Variants in NCOA1 observed in about 807,000 individuals in gnomAD.
NCOA1 encodes the protein Hin-2 protein.
A neutral mutation model predicts 150.9 loss-of-function variants in NCOA1; 35 were observed. That is an observed-to-expected ratio of 0.23 (90% confidence interval 0.18 to 0.31). The LOEUF (loss-of-function observed/expected upper bound fraction) is 0.31, where lower values mean the gene tolerates loss of function less well. NCOA1 is among the 10% of genes least tolerant of loss of function. The pLI is 1.00. For synonymous variants in NCOA1, 590 were observed against 630.0 expected, an observed-to-expected ratio of 0.94 and a Z score of 0.95; for missense variants, 1,491 against 1,749.3, an observed-to-expected ratio of 0.85 and a Z score of 2.63.
intron 11 of NCOA1, among the ~76,000 whole-genome samples, chr2:24,701,569 A>C (rs17792389): frequency 0.15 from 22,804 of 151,644 alleles, 2,073 homozygotes; most frequent in Non-Finnish European, 0.21. Flanking sequence ...TCTCACTTTT[A>C]CATATCTTTC....
At chr2:24,506,642 A>G (rs1663708406) in intron 1 of NCOA1, among the ~76,000 whole-genome samples, 1 of 152,138 alleles carries the variant, frequency 6.6e-6, no homozygotes, top group African/African-American at 2.4e-5. Context: ...ATAAGAGAAT[A>G]CTCACCTGAT....
At chr2:24,638,673 A>T (rs907135995) in intron 3 of NCOA1, among the ~76,000 whole-genome samples, 1 of 152,194 alleles carries the variant, frequency 6.6e-6, no homozygotes. Flanking sequence ...TCTTTTTGAT[A>T]ATAGCTATCA....
intron 19 of NCOA1, among the ~76,000 whole-genome samples, chr2:24,751,367 G>A (rs1035436092): frequency 2.0e-5 from 3 of 151,582 alleles, no homozygotes; most frequent in African/African-American, 7.3e-5. Flanking sequence ...TGGATCACCT[G>A]AGGTCAGGAG....
chr2:24,643,862 C>T (rs1426828895), intron 3 of NCOA1, 104 bp from the exon 4 acceptor site: 1 of 152,026 alleles, frequency 6.6e-6, no homozygotes, highest in Non-Finnish European at 1.5e-5. Flanking sequence ...CTAAAAGTTG[C>T]ATTTTTTTTT....
At chr2:24,671,622 G>A (rs186085281) in intron 6 of NCOA1, among the ~76,000 whole-genome samples, 4 of 152,010 alleles carry the variant, frequency 2.6e-5, no homozygotes, top group South Asian at 2.1e-4. Context: ...GTGCAGTTGC[G>A]GGATCTCGGC....
chr2:24,707,394 G>T lies in NCOA1; in HGVS notation c.1924G>T (p.Glu642Ter). 1.2e-6 allele frequency: 2 copies of T among 1,614,086 alleles called. No individual in the cohort carries two copies. Among genetic ancestry groups the T allele is most frequent in the South Asian group, 2.2e-5 (2 of 91,046 alleles). ...KLVQLLTTTA[E>*]QQLRHADIDT... ...AGTGCAGCTTTTGACAACAACTGCC[G>T]AACAGCAGTTACGGCATGCTGATAT... Residue 642 changes from glutamate to a stop codon, truncating the protein, a stop_gained, in exon 13 of 23, where the codon GAA (glutamate) becomes TAA (stop). Coordinates refer to ENST00000348332, the MANE Select transcript of NCOA1 (RefSeq NM_003743.5). LOFTEE classifies it high-confidence loss of function.
chr2:24,636,488 A>C (rs1032557859), intron 3 of NCOA1, among the ~76,000 whole-genome samples: 3 of 152,168 alleles, frequency 2.0e-5, no homozygotes, highest in Admixed American at 1.3e-4. Context: ...CACCTTGCCA[A>C]ATTCACTTAA....
chr2:24,748,611 G>C (rs143328507), intron 19 of NCOA1, among the ~76,000 whole-genome samples: 20,518 of 95,508 alleles, frequency 0.21, 1,870 homozygotes, highest in Non-Finnish European at 0.3. Flanking sequence ...AGTGAAACTC[G>C]GTCTCAAAAA....
intron 1 of NCOA1, among the ~76,000 whole-genome samples, chr2:24,550,604 G>T (rs980500283): frequency 6.6e-6 from 1 of 152,156 alleles, no homozygotes; most frequent in African/African-American, 2.4e-5. Context: ...CAGCACATGG[G>T]AATTCAAGAT....
Position 24,664,745 on chromosome 2 carries a change from T to A in NCOA1, c.90-1004T>A, listed in dbSNP as rs186010164. ...AAAGAAAAGAAAAGTAAATGGTATC[T>A]TAATTGTTGCCAATTATGAGCTCTA... On this transcript the variant is annotated intron_variant, in intron 5 of 22. Transcript: ENST00000348332. Among the ~76,000 whole-genome samples the A allele has an allele frequency of 1.3e-4, 20 of 152,252 alleles. No homozygotes were observed. The Middle Eastern group carries it at 0.017, about 129-fold the overall frequency.
chr2:24,737,043 C>A (rs1404274487), intron 17 of NCOA1, among the ~76,000 whole-genome samples: 1 of 152,094 alleles, frequency 6.6e-6, no homozygotes, highest in Non-Finnish European at 1.5e-5. Flanking sequence ...GGCCACAAGC[C>A]CCACATTTCC....
At chr2:24,558,268 C>G (rs944677843) in intron 1 of NCOA1, among the ~76,000 whole-genome samples, 1 of 152,166 alleles carries the variant, frequency 6.6e-6, no homozygotes, top group Non-Finnish European at 1.5e-5. Context: ...TGCTGCTGAA[C>G]TTAACTAAGT....
At chr2:24,665,962 A>C in intron 6 of NCOA1, 47 bp downstream of exon 6, 1 of 1,177,736 alleles carries the variant, frequency 8.5e-7, no homozygotes, top group Non-Finnish European at 1.1e-6. Context: ...TGTTATTAAG[A>C]CATTTATAAT....
chr2:24,583,207 A>C (rs1191975474), intron 2 of NCOA1, among the ~76,000 whole-genome samples: 2 of 152,166 alleles, frequency 1.3e-5, no homozygotes, highest in Non-Finnish European at 2.9e-5. Flanking sequence ...GAAACTCAAC[A>C]GCAAAAAGCC....
chr2:24,718,864 G>A (rs2148620073), intron 14 of NCOA1, among the ~76,000 whole-genome samples: 1 of 147,616 alleles, frequency 6.8e-6, no homozygotes, highest in East Asian at 2.0e-4. Flanking sequence ...ATGAGACTCT[G>A]TCTCAAAAAA....
Position 24,544,025 on chromosome 2 carries a change from G to C in NCOA1, c.-395-20270G>C, listed in dbSNP as rs781755833. Among the ~76,000 whole-genome samples, 33 of 152,156 alleles carry C rather than the reference G, an allele frequency of 2.2e-4. 1 individual carries two copies. The highest frequency in any genetic ancestry group is 1.0e-4 in the Non-Finnish European group (7 of 68,030). ...GAAATTTTTCTAGGTGGGAGGTAATGTTAGATTGGCTACAGTAGGAGGATC... is the reference window on the plus strand; with the variant it reads ...GAAATTTTTCTAGGTGGGAGGTAATCTTAGATTGGCTACAGTAGGAGGATC... On this transcript the variant is annotated intron_variant, in intron 1 of 22. Coordinates refer to ENST00000348332, the MANE Select transcript of NCOA1 (RefSeq NM_003743.5).
chr2:24,706,463 G>T, intron 12 of NCOA1, 105 bp from the exon 13 acceptor site: 2 of 1,262,920 alleles, frequency 1.6e-6, no homozygotes, highest in Non-Finnish European at 2.1e-6. Context: ...TTGATAGCTT[G>T]CAATATTAAT....
chr2:24,704,040 G>T (rs149330548), intron 11 of NCOA1, among the ~76,000 whole-genome samples: 40 of 152,160 alleles, frequency 2.6e-4, no homozygotes, highest in Middle Eastern at 6.8e-3. Context: ...TTTTTCTGCT[G>T]TTAGTAAAGC....
chr2:24,502,124 A>G (rs949505074), intron 1 of NCOA1, among the ~76,000 whole-genome samples: 8 of 152,134 alleles, frequency 5.3e-5, no homozygotes, highest in African/African-American at 1.9e-4. Context: ...CTAACCCCCA[A>G]TTAAAAAGAG....
Sources: gnomAD v4.1 joint callset for allele counts (sites outside exome capture counted in the v4.1 genomes callset) on GRCh38, gnomAD v4.1.1 for gene constraint, MANE v1.5 for transcripts, NCBI Gene and HGNC (gene_info 2026-07-23, HGNC 2026-07-21) for gene names.